ARMC3: variants seen among roughly 807,000 people sequenced by gnomAD.
ARMC3 encodes the protein armadillo repeat containing 3, also known as armadillo repeat-containing protein 3.
A neutral mutation model predicts 90.3 loss-of-function variants in ARMC3; 74 were observed. The observed-to-expected ratio is 0.82, with a 90% CI of 0.68 to 0.99. The LOEUF (loss-of-function observed/expected upper bound fraction) is 0.99. Ranked by LOEUF, ARMC3 falls within the 50% of genes least tolerant of loss-of-function variation. The pLI is 0.00. For missense variants in ARMC3, 958 were observed against 1,042.8 expected (o/e 0.92, Z 1.12); for synonymous variants, 334 against 361.8 (o/e 0.92, Z 0.87).
At chr10:22,963,396 T>A (rs1564356870) in intron 7 of ARMC3, among the ~76,000 whole-genome samples, 2 of 152,098 alleles carry the variant, frequency 1.3e-5, no homozygotes, top group Admixed American at 1.3e-4. Context: ...AGAACTGGTA[T>A]GTATATATGT....
chr10:22,997,873 A>G (rs1837068793), intron 10 of ARMC3, among the ~76,000 whole-genome samples: 1 of 152,108 alleles, frequency 6.6e-6, no homozygotes, highest in African/African-American at 2.4e-5. Context: ...GTAGTCGTCT[A>G]TTTCTGAGGT....
chr10:22,929,429 C>T (rs992043068), intron 1 of ARMC3, among the ~76,000 whole-genome samples: 1 of 152,164 alleles, frequency 6.6e-6, no homozygotes, highest in African/African-American at 2.4e-5. Context: ...CCAAATTCTC[C>T]ACAGTGAAAT....
chr10:22,944,213 C>T (rs1291879345), intron 2 of ARMC3, among the ~76,000 whole-genome samples: 1 of 152,166 alleles, frequency 6.6e-6, no homozygotes, highest in Admixed American at 6.5e-5. Context: ...TGTTGATTAT[C>T]TTCAATAAGC....
chr10:23,034,401 G>A (rs1839044062), intron 18 of ARMC3, among the ~76,000 whole-genome samples: 2 of 152,128 alleles, frequency 1.3e-5, no homozygotes, highest in South Asian at 2.1e-4. Context: ...CTATAATTGT[G>A]AAGAGTTTCA....
At chr10:22,992,944 C>T (rs1836774137) in intron 10 of ARMC3, among the ~76,000 whole-genome samples, 1 of 147,818 alleles carries the variant, frequency 6.8e-6, no homozygotes, top group Non-Finnish European at 1.5e-5. Context: ...CCCCTGACCA[C>T]TTGCAGAGTG....
At position 22,981,602 on chromosome 10, in the gene ARMC3, A is replaced by G; in HGVS notation, c.1077A>G (p.Pro359=). ...SKDFFNNQGI[P]QLIQLLKSDN... The stretch of plus-strand genomic sequence containing the variant: ...ACCTTTCTCTTTCTGTAGGGATTCC[A>G]CAGTTAATTCAGTTGCTAAAAAGTG... Residue 359 remains proline, a synonymous_variant, in exon 10 of 19, where the codon CCA becomes CCG. Transcript: ENST00000298032. 1 of 1,614,102 alleles carries G rather than the reference A, an allele frequency of 6.2e-7. No individual in the cohort carries two copies. Among genetic ancestry groups the G allele is most frequent in the Non-Finnish European group, 8.5e-7 (1 of 1,179,994 alleles).
chr10:23,034,434 C>A (rs771205962), intron 18 of ARMC3, among the ~76,000 whole-genome samples: 1 of 152,152 alleles, frequency 6.6e-6, no homozygotes, highest in African/African-American at 2.4e-5. Flanking sequence ...ATAGAAATGA[C>A]TACCCTTGAT....
At position 22,963,346 on chromosome 10, in the gene ARMC3, C is replaced by T. The variant is rs1835285174; in HGVS notation, c.732+1268C>T. On this transcript the variant is annotated intron_variant, in intron 7 of 18. Transcript: ENST00000298032. ...CTCTCAAAGAGGTTGAATAACTTGC[C>T]TACGGTTAGAGCTAGGAAATATGTG... 2.6e-5 allele frequency among the ~76,000 whole-genome samples: 4 copies of T among 151,970 alleles called. No homozygotes were observed. In the South Asian group the frequency reaches 8.3e-4, roughly 32 times the overall value.
intron 3 of ARMC3, among the ~76,000 whole-genome samples, chr10:22,950,249 C>A (rs1031358589): frequency 6.6e-6 from 1 of 151,992 alleles, no homozygotes; most frequent in African/African-American, 2.4e-5. Context: ...ATTTGAATCA[C>A]TTCAAAAGCA....
At chr10:22,963,112 A>G (rs904218323) in intron 7 of ARMC3, among the ~76,000 whole-genome samples, 3 of 152,108 alleles carry the variant, frequency 2.0e-5, no homozygotes, top group African/African-American at 4.8e-5. Context: ...CCTATCTGAT[A>G]TTTTACCTGT....
chr10:23,026,534 A>T (rs1337940474), intron 16 of ARMC3, among the ~76,000 whole-genome samples: 1 of 152,142 alleles, frequency 6.6e-6, no homozygotes, highest in Non-Finnish European at 1.5e-5. Context: ...TTCAACATCT[A>T]CTTATGATGT....
chr10:22,954,062 G>A (rs546905502), intron 3 of ARMC3, among the ~76,000 whole-genome samples: 1 of 152,300 alleles, frequency 6.6e-6, no homozygotes, highest in East Asian at 1.9e-4. Flanking sequence ...AGCAATCCTT[G>A]TGGGTGTGAA....
intron 8 of ARMC3, among the ~76,000 whole-genome samples, chr10:22,972,622 G>T (rs1321779507): frequency 1.3e-5 from 2 of 152,050 alleles, no homozygotes; most frequent in Non-Finnish European, 2.9e-5. Flanking sequence ...ATCTGTGATT[G>T]TATTATGTTC....
Position 22,955,907 on chromosome 10 carries a change from G to A in ARMC3, c.267G>A (p.Met89Ile), listed in dbSNP as rs1454093246. ...AAATTGTAAGAAGAAATGCTACTAT[G>A]ATATTTGGAATCCTGGCTTCTAATA... ...EDKIVRRNAT[M>I]IFGILASNND... The change falls in exon 4 of 19, where the codon ATG (methionine) becomes ATA (isoleucine). Residue 89 changes from methionine to isoleucine, a missense_variant. Met to Ile is a conservative substitution (Grantham distance 10). Coordinates refer to ENST00000298032, the MANE Select transcript of ARMC3 (RefSeq NM_173081.5). 1.2e-6 allele frequency: 2 copies of A among 1,608,410 alleles called. No homozygotes were observed. The highest frequency in any genetic ancestry group is 8.5e-7 in the Non-Finnish European group (1 of 1,175,232).
chr10:22,981,361 A>G lies in ARMC3; in HGVS notation c.938A>G (p.His313Arg). ...AYDPENRKLF[H>R]EQEVEKCLVA... ...AAAGCTGAAAATAGAAAACTTTTTCATGAACAAGAGGTTGAAAAGTGCCTT... is the reference window on the plus strand; with the variant it reads ...AAAGCTGAAAATAGAAAACTTTTTCGTGAACAAGAGGTTGAAAAGTGCCTT... Residue 313 changes from histidine (H) to arginine (R), a missense_variant, in exon 9 of 19, where the codon CAT (histidine) becomes CGT (arginine). Physicochemically the swap from His to Arg is conservative, Grantham distance 29. Transcript: ENST00000298032. 6.3e-7 allele frequency: 1 copy of G among 1,594,128 alleles called. No homozygotes were observed. The highest frequency in any genetic ancestry group is 8.5e-7 in the Non-Finnish European group (1 of 1,174,990).
chr10:22,966,247 C>T (rs1189942117), intron 7 of ARMC3, among the ~76,000 whole-genome samples: 5 of 152,226 alleles, frequency 3.3e-5, no homozygotes, highest in Non-Finnish European at 7.3e-5. Flanking sequence ...TCACCTGTGG[C>T]TCCTCTGTCA....
In ARMC3 at chr10:23,007,291, C is replaced by T. The variant is rs149153652; in HGVS notation, c.1829+310C>T. Among the ~76,000 whole-genome samples the T allele has an allele frequency of 3.7e-3, 567 of 152,190 alleles. 3 individuals carry two copies. Among genetic ancestry groups the T allele is most frequent in the African/African-American group, 0.013 (523 of 41,530 alleles). ...GAAGAAAGTGTAAATAGCAGCAAAC[C>T]GAGATGAATCATGTTTACAATTCTC... is the stretch of plus-strand genomic sequence containing the variant. On this transcript the variant is annotated intron_variant, in intron 14 of 18. Transcript: ENST00000298032.
intron 18 of ARMC3, among the ~76,000 whole-genome samples, chr10:23,036,609 T>A (rs982313416): frequency 6.6e-6 from 1 of 152,212 alleles, no homozygotes; most frequent in Non-Finnish European, 1.5e-5. Context: ...CTAGTCGGTC[T>A]CAGATCTGGG....
At position 22,962,015 on chromosome 10, in the gene ARMC3, G is replaced by A. The variant is rs766731236; in HGVS notation, c.669G>A (p.Glu223=). The A allele has an allele frequency of 1.2e-6, 2 of 1,611,692 alleles. No homozygotes were observed. Among genetic ancestry groups the A allele is most frequent in the Non-Finnish European group, 1.7e-6 (2 of 1,179,068 alleles). ...TAGGTGTTATTGCAAATGATAAGGAGTCTCGAACAATGCTAAGAGACAATC... is the reference window on the plus strand; with the variant it reads ...TAGGTGTTATTGCAAATGATAAGGAATCTCGAACAATGCTAAGAGACAATC... ...KTLGVIANDK[E]SRTMLRDNQG... The change falls in exon 7 of 19, where the codon GAG becomes GAA. Residue 223 remains glutamate, a synonymous_variant. Transcript: ENST00000298032.
Sources: allele counts gnomAD v4.1 joint callset (sites outside exome capture counted in the v4.1 genomes callset), GRCh38; gene constraint gnomAD v4.1.1; transcripts MANE v1.5; gene names NCBI Gene and HGNC (gene_info 2026-07-23, HGNC 2026-07-21).